GOLGA1: variants seen among roughly 807,000 people sequenced by gnomAD.
GOLGA1 encodes the protein golgin A1, also known as golgin subfamily A member 1.
A neutral mutation model predicts 119.7 loss-of-function variants in GOLGA1; 63 were observed. That is an observed-to-expected ratio of 0.53 (90% CI 0.43 to 0.65). The LOEUF (loss-of-function observed/expected upper bound fraction) is 0.65. Among genes scored for constraint, GOLGA1 ranks in the 30% least tolerant of loss-of-function variants. The probability of loss-of-function intolerance (pLI) is 0.00; values close to 1 mark genes in which losing one functional copy is unlikely to be tolerated. For missense variants in GOLGA1, 798 were observed against 912.8 expected (o/e 0.87, Z 1.62); for synonymous variants, 318 against 333.4 (o/e 0.95, Z 0.50).
chr9:124,915,348 T>A (rs139060248), intron 10 of GOLGA1, among the ~76,000 whole-genome samples: 7 of 152,360 alleles, frequency 4.6e-5, no homozygotes, highest in Admixed American at 1.3e-4. Flanking sequence ...AGCTCTTGAA[T>A]ACTGAGCTCA....
chr9:124,880,597 C>T lies in GOLGA1; in HGVS notation c.2237G>A (p.Gly746Glu), dbSNP rs1025595839. The stretch of plus-strand genomic sequence containing the variant: ...GCTGCCCTTGGGAGCTGGTTTGGAC[C>T]CAAACCATGACATCTGCATTTGAAA... ...ETLEYKMSWF[G>E]SKPAPKGSIR... is the part of the protein sequence containing the mutation. Residue 746 changes from glycine (G) to glutamate (E), a missense_variant, in exon 23 of 23, where the codon GGG (glycine) becomes GAG (glutamate). Gly to Glu is a moderately conservative substitution (Grantham distance 98). Coordinates refer to ENST00000373555, the MANE Select transcript of GOLGA1 (RefSeq NM_002077.4). The T allele has an allele frequency of 2.5e-6, 4 of 1,606,134 alleles. No individual in the cohort carries two copies. Among genetic ancestry groups the T allele is most frequent in the Non-Finnish European group, 3.4e-6 (4 of 1,173,066 alleles).
chr9:124,901,246 C>T lies in GOLGA1; in HGVS notation c.1066-699G>A, dbSNP rs185853870. On this transcript the variant is annotated intron_variant, in intron 12 of 22. Transcript: ENST00000373555. ...TTAGCCTCCCAAAGTGCTGGGGCTACAGGCGTGAGCCACCATGCCCGGCCT... is the reference window on the plus strand; with the variant it reads ...TTAGCCTCCCAAAGTGCTGGGGCTATAGGCGTGAGCCACCATGCCCGGCCT... Among the ~76,000 whole-genome samples, 464 of 150,444 alleles carry T rather than the reference C, an allele frequency of 3.1e-3. 2 individuals carry two copies. Among genetic ancestry groups the T allele is most frequent in the Admixed American group, 9.1e-3 (136 of 14,998 alleles).
At chr9:124,918,654 G>A (rs1165704750) in intron 10 of GOLGA1, among the ~76,000 whole-genome samples, 3 of 152,156 alleles carry the variant, frequency 2.0e-5, no homozygotes, top group African/African-American at 7.2e-5. Flanking sequence ...TATTCAGGAG[G>A]CTGAGGTGGG....
intron 10 of GOLGA1, among the ~76,000 whole-genome samples, chr9:124,912,600 T>C (rs1830362286): frequency 6.6e-6 from 1 of 152,220 alleles, no homozygotes; most frequent in African/African-American, 2.4e-5. Context: ...TGGAGTACAG[T>C]GGCGCGATCT....
chr9:124,902,733 C>A (rs1362849525), intron 12 of GOLGA1, among the ~76,000 whole-genome samples: 1 of 152,176 alleles, frequency 6.6e-6, no homozygotes, highest in African/African-American at 2.4e-5. Context: ...TTGTGATCCG[C>A]CCGCCTCAGC....
intron 20 of GOLGA1, 112 bp from the exon 21 acceptor site, chr9:124,882,066 G>A: frequency 1.3e-6 from 1 of 749,412 alleles, no homozygotes. Context: ...GGCAAAAAGG[G>A]CCCCACCTGG....
chr9:124,909,775 T>G (rs920174443), intron 11 of GOLGA1, among the ~76,000 whole-genome samples: 2 of 152,086 alleles, frequency 1.3e-5, no homozygotes, highest in African/African-American at 4.8e-5. Context: ...ACTTATTTAT[T>G]ATTTTTGAGA....
intron 15 of GOLGA1, among the ~76,000 whole-genome samples, chr9:124,891,547 T>A (rs963500563): frequency 6.6e-6 from 1 of 152,218 alleles, no homozygotes; most frequent in Admixed American, 6.5e-5. Context: ...ATGGCCTTGA[T>A]CTGTCTCACC....
At chr9:124,889,665 C>A in intron 16 of GOLGA1, 129 bp from the exon 17 acceptor site, 1 of 730,538 alleles carries the variant, frequency 1.4e-6, no homozygotes. Context: ...CCAGAGCAAA[C>A]CCCCAGCTAA....
chr9:124,921,227 C>T lies in GOLGA1; in HGVS notation c.745G>A (p.Ala249Thr). 1.2e-6 allele frequency: 2 copies of T among 1,602,910 alleles called. No homozygotes were observed. The highest frequency in any genetic ancestry group is 1.7e-6 in the Non-Finnish European group (2 of 1,169,986). ...TTACTTTCTGCACCTGTTTTTGAAG[C>T]TATCACATGATCTCTTCATCAAAAG... ...TLEEQRDHVIASKTGAESKIT... is the reference protein window; with the variant it reads ...TLEEQRDHVITSKTGAESKIT... The change falls in exon 10 of 23, where the codon GCT becomes ACT. Residue 249 changes from alanine to threonine, a missense_variant. Transcript: ENST00000373555.
chr9:124,894,946 A>C (rs1173643231), intron 15 of GOLGA1, among the ~76,000 whole-genome samples: 3 of 151,786 alleles, frequency 2.0e-5, no homozygotes, highest in African/African-American at 7.3e-5. Context: ...TCCACAACAG[A>C]GACCCATCCA....
intron 2 of GOLGA1, among the ~76,000 whole-genome samples, chr9:124,939,497 G>C (rs1830951632): frequency 6.8e-6 from 1 of 147,690 alleles, no homozygotes; most frequent in South Asian, 2.1e-4. Flanking sequence ...TAGAGACGCT[G>C]TGTGGTTTTG....
In GOLGA1 at chr9:124,916,124, A is replaced by AATAC. The variant is rs1554769748; in HGVS notation, c.844-4099_844-4098insGTAT. On this transcript the variant is annotated intron_variant, in intron 10 of 22. Coordinates refer to ENST00000373555, the MANE Select transcript of GOLGA1 (RefSeq NM_002077.4). ...CTCTAAATAAATAAATAAATAAATAAATAAATACATAAATATACTTATTTA... is the reference window on the plus strand; with the variant it reads ...CTCTAAATAAATAAATAAATAAATAAATACATAAATACATAAATATACTTATTTA... Among the ~76,000 whole-genome samples the AATAC allele has an allele frequency of 8.1e-4, 122 of 151,246 alleles. 2 individuals are homozygous for AATAC. The highest frequency in any genetic ancestry group is 2.2e-3 in the African/African-American group (93 of 41,358).
intron 20 of GOLGA1, among the ~76,000 whole-genome samples, chr9:124,882,184 C>T (rs1319695156): frequency 6.6e-6 from 1 of 152,208 alleles, no homozygotes; most frequent in Non-Finnish European, 1.5e-5. Context: ...CCTGAAGCTG[C>T]TCGCATCCCG....
At chr9:124,892,346 C>T (rs530580433) in intron 15 of GOLGA1, among the ~76,000 whole-genome samples, 1 of 152,366 alleles carries the variant, frequency 6.6e-6, no homozygotes, top group South Asian at 2.1e-4. Context: ...TTTTGAGATG[C>T]ATACATGGCT....
intron 13 of GOLGA1, 95 bp from the exon 14 acceptor site, chr9:124,899,573 G>A: frequency 1.6e-6 from 2 of 1,226,088 alleles, no homozygotes; most frequent in South Asian, 2.7e-5. Context: ...GTATCCAACA[G>A]AAACAACTCT....
At chr9:124,882,752 C>T (rs1218953453) in intron 19 of GOLGA1, among the ~76,000 whole-genome samples, 183 bp from the exon 20 acceptor site, 1 of 152,196 alleles carries the variant, frequency 6.6e-6, no homozygotes, top group Non-Finnish European at 1.5e-5. Context: ...GGGCTGTCAT[C>T]CCTCTTGGGC....
rs182610786 is a variant in GOLGA1, at chr9:124,884,499, C to T, written c.1906-1930G>A. Among the ~76,000 whole-genome samples the T allele has an allele frequency of 1.1e-3, 164 of 152,282 alleles. 3 individuals are homozygous for T. Among genetic ancestry groups the T allele is most frequent in the South Asian group, 6.2e-3 (30 of 4,822 alleles). ...TAATGTCTAATGTGACAGGAACTCC[C>T]GGGGATGCCCTTGTCTTACTGCGTG... is the stretch of plus-strand genomic sequence containing the variant. On this transcript the variant is annotated intron_variant, in intron 19 of 22. Coordinates refer to ENST00000373555, the MANE Select transcript of GOLGA1 (RefSeq NM_002077.4).
intron 10 of GOLGA1, among the ~76,000 whole-genome samples, chr9:124,917,191 AGG>A (rs1756742014): frequency 6.6e-6 from 1 of 152,214 alleles, no homozygotes; most frequent in Admixed American, 6.5e-5. Context: ...TTACTTCCAA[AGG>A]AAAAAGGAAT....
Sources: gnomAD v4.1 joint callset for allele counts (sites outside exome capture counted in the v4.1 genomes callset) on GRCh38, gnomAD v4.1.1 for gene constraint, MANE v1.5 for transcripts, NCBI Gene and HGNC (gene_info 2026-07-23, HGNC 2026-07-21) for gene names.